The following KCNC1 variants were observed in gnomAD, a reference collection of about 807,000 sequenced individuals.
KCNC1 encodes potassium voltage-gated channel subfamily C member 1.
In KCNC1, 8 loss-of-function variants were observed where a neutral mutation model predicts 43.4. The ratio of observed to expected loss-of-function variants is 0.18; its 90% CI spans 0.11 to 0.33. The LOEUF is 0.33. Ranked by LOEUF, KCNC1 falls within the 10% of genes least tolerant of loss-of-function variation. The probability of loss-of-function intolerance (pLI) is 1.00; values close to 1 mark genes in which losing one functional copy is unlikely to be tolerated. For missense variants in KCNC1, 420 were observed against 836.0 expected, an observed-to-expected ratio of 0.50 and a Z score of 6.14; for synonymous variants, 361 against 360.5, an observed-to-expected ratio of 1.00 and a Z score of -0.01.
chr11:17,763,411 G>A (rs190945154), intron 1 of KCNC1, among the ~76,000 whole-genome samples: 6 of 152,038 alleles, frequency 3.9e-5, no homozygotes, highest in East Asian at 1.9e-4. Context: ...CAGAGAACAC[G>A]TGCCCAGAGT....
chr11:17,782,442 C>T lies in KCNC1; in HGVS notation c.*708C>T, dbSNP rs1849356522. 6.6e-6 allele frequency: 1 copy of T among 152,232 alleles called. No individual in the cohort carries two copies. The highest frequency in any genetic ancestry group is 2.4e-5 in the African/African-American group (1 of 41,436). 9.4% of individuals were successfully genotyped at this position (152,232 alleles called of 1,614,324 possible). On this transcript the variant is annotated 3_prime_UTR_variant, in exon 4 of 4. Coordinates refer to ENST00000265969, the MANE Select transcript of KCNC1 (RefSeq NM_001112741.2). ...GATGTCTCCCCAAGACCCCTGACAG[C>T]AGCTAGTCTAGGTTGATTCTCTCAT...
chr11:17,781,462 G>T lies in KCNC1; in HGVS notation c.1694-208G>T. ...GAGTCAATGTGCAGAGCAGAAGTAG[G>T]GACTCATCCCATTCCCCCAGGAGGG... is the stretch of plus-strand genomic sequence containing the variant. On this transcript the variant is annotated intron_variant, in intron 3 of 3. Transcript: ENST00000265969. This position sits in a 1 kb window ranked among gnomAD's most constrained non-coding sequence, Gnocchi z 5.1. 1 of 568,402 alleles carries T rather than the reference G, an allele frequency of 1.8e-6. No individual in the cohort carries two copies. The highest frequency in any genetic ancestry group is 3.1e-6 in the Non-Finnish European group (1 of 320,388). 35.2% of individuals were successfully genotyped at this position (568,402 alleles called of 1,614,324 possible).
rs1030780859 is a variant in KCNC1 at position 17,779,785 on chromosome 11, GT to G, written c.1693+142del. On this transcript the variant is annotated intron_variant, in intron 3 of 3. Coordinates refer to ENST00000265969, the MANE Select transcript of KCNC1 (RefSeq NM_001112741.2). This position sits in a 1 kb window ranked among gnomAD's most constrained non-coding sequence, Gnocchi z 7.2. ...GCAAGGATGGAGGGAATCTCCCAGG[GT>G]CGGCCCCTGGAGGGCTGAGGCCCTT... 1.7e-4 allele frequency: 117 copies of G among 676,500 alleles called. 1 individual carries two copies. In the East Asian group the frequency reaches 2.7e-3, roughly 16 times the overall value. The allele number at this position is 676,500 out of a possible 1,614,324, so 41.9% of individuals were successfully genotyped here. A position where few individuals can be genotyped will look rare whatever the true frequency, so the allele number is the denominator to read the frequency against.
chr11:17,744,843 G>A (rs560299161), intron 1 of KCNC1, among the ~76,000 whole-genome samples: 5 of 152,028 alleles, frequency 3.3e-5, no homozygotes, highest in Non-Finnish European at 5.9e-5. Context: ...AGAATTACCT[G>A]GGATGCTTAA....
In KCNC1 at chr11:17,739,678, T is replaced by C. The variant is rs1359057681; in HGVS notation, c.570+3106T>C. Among the ~76,000 whole-genome samples the C allele has an allele frequency of 3.5e-5, 3 of 85,254 alleles. No homozygotes were observed. Among genetic ancestry groups the C allele is most frequent in the Admixed American group, 9.4e-5 (1 of 10,638 alleles). The allele number at this position is 85,254 out of a possible 152,430, so 55.9% of individuals were successfully genotyped here. ...TGTGGAGCTCATGTGTGAGTCTGTGTGTGTGTGTGTGTGTGTGTGTGTGTA... is the reference window on the plus strand; with the variant it reads ...TGTGGAGCTCATGTGTGAGTCTGTGCGTGTGTGTGTGTGTGTGTGTGTGTA... On this transcript the variant is annotated intron_variant, in intron 1 of 3. Transcript: ENST00000265969. This position sits in a 1 kb window ranked among gnomAD's most constrained non-coding sequence, Gnocchi z 4.2.
At chr11:17,764,246 T>TAC (rs762046789) in intron 1 of KCNC1, among the ~76,000 whole-genome samples, 27 of 135,030 alleles carry the variant, frequency 2.0e-4, no homozygotes, top group Admixed American at 5.0e-4. Flanking sequence ...CATAGTCCCA[T>TAC]ACACACACAC....
intron 1 of KCNC1, among the ~76,000 whole-genome samples, chr11:17,740,035 G>A (rs1232651779): frequency 6.6e-6 from 1 of 152,242 alleles, no homozygotes; most frequent in Non-Finnish European, 1.5e-5. Context: ...GCCACTGTCA[G>A]TGTGTGGGAC....
intron 1 of KCNC1, among the ~76,000 whole-genome samples, chr11:17,768,614 G>T (rs1247101280): frequency 1.0e-5 from 1 of 99,852 alleles, no homozygotes; most frequent in Non-Finnish European, 2.1e-5. Flanking sequence ...GATGTTGGTG[G>T]GGGGGGGGGC....
chr11:17,775,576 A>G, intron 2 of KCNC1: 1 of 985,552 alleles, frequency 1.0e-6, no homozygotes, highest in Non-Finnish European at 1.2e-6. Context: ...CTTCTCTCCC[A>G]GAAAGGGGCT....
rs1434789904 is a variant in KCNC1 at position 17,736,500 on chromosome 11, C to T, written c.498C>T (p.Gly166=). The T allele has an allele frequency of 6.3e-7, 1 of 1,590,192 alleles. No individual in the cohort carries two copies. Among genetic ancestry groups the T allele is most frequent in the East Asian group, 2.3e-5 (1 of 44,176 alleles). Residue 166 remains glycine (G), a synonymous_variant, in exon 1 of 4, where the codon GGC becomes GGT. Transcript: ENST00000265969. The surrounding 1 kb of genome is among the most constrained non-coding windows in gnomAD (Gnocchi z 9.3). ...ALSDSPDGRP[G]GFWRRWQPRI... ...GTGACTCCCCGGATGGCCGGCCTGG[C>T]GGCTTTTGGCGCCGCTGGCAGCCGC...
intron 1 of KCNC1, among the ~76,000 whole-genome samples, chr11:17,770,682 C>T (rs1018705953): frequency 6.6e-6 from 1 of 152,180 alleles, no homozygotes; most frequent in African/African-American, 2.4e-5. Flanking sequence ...GGGCTCAGGG[C>T]CAGAGCAGGT....
chr11:17,749,292 C>T (rs559791785), intron 1 of KCNC1, among the ~76,000 whole-genome samples: 25 of 152,388 alleles, frequency 1.6e-4, no homozygotes, highest in African/African-American at 6.0e-4. Context: ...GTGATGCCCA[C>T]GATCACTCAC....
chr11:17,748,314 CA>C (rs1165872011), intron 1 of KCNC1, among the ~76,000 whole-genome samples: 1 of 152,092 alleles, frequency 6.6e-6, no homozygotes, highest in Non-Finnish European at 1.5e-5. Flanking sequence ...GCTGTGTGCC[CA>C]GGGTTCAAGG....
rs1848849127 is a variant in KCNC1 at position 17,742,064 on chromosome 11, A to G, written c.570+5492A>G. On this transcript the variant is annotated intron_variant, in intron 1 of 3. Coordinates refer to ENST00000265969, the MANE Select transcript of KCNC1 (RefSeq NM_001112741.2). This position sits in a 1 kb window ranked among gnomAD's most constrained non-coding sequence, Gnocchi z 4.2. The stretch of plus-strand genomic sequence containing the variant: ...GTAAGCCTCTGGCATGCTCTATAGA[A>G]TAGGAGCTGTTATCATGACAGATGA... 6.6e-6 allele frequency among the ~76,000 whole-genome samples: 1 copy of G among 152,210 alleles called. No individual in the cohort carries two copies. The highest frequency in any genetic ancestry group is 2.4e-5 in the African/African-American group (1 of 41,452).
Position 17,735,519 on chromosome 11 carries a change from A to C in KCNC1, c.-484A>C. 1.3e-5 allele frequency: 2 copies of C among 150,840 alleles called. No homozygotes were observed. The highest frequency in any genetic ancestry group is 2.9e-5 in the Non-Finnish European group (2 of 67,892). 9.3% of individuals were successfully genotyped at this position (150,840 alleles called of 1,614,324 possible). On this transcript the variant is annotated 5_prime_UTR_variant, in exon 1 of 4. Transcript: ENST00000265969. This position sits in a 1 kb window ranked among gnomAD's most constrained non-coding sequence, Gnocchi z 6.7. ...CTCCCCCTCCTGGGGGCTGGCCTCT[A>C]GTCCGGCCCCGGGAGCGGCTGACCT...
chr11:17,737,706 G>C (rs1163795041), intron 1 of KCNC1, among the ~76,000 whole-genome samples: 1 of 152,170 alleles, frequency 6.6e-6, no homozygotes, highest in Admixed American at 6.5e-5. Context: ...TGTGGGGGAA[G>C]GGCAGAGTAG....
In KCNC1 at chr11:17,782,696, A is replaced by T. The variant is rs1849360431; in HGVS notation, c.*962A>T. 6.6e-6 allele frequency: 1 copy of T among 152,224 alleles called. No individual in the cohort carries two copies. Among genetic ancestry groups the T allele is most frequent in the South Asian group, 2.1e-4 (1 of 4,828 alleles). The allele number at this position is 152,224 out of a possible 1,614,324, so 9.4% of individuals were successfully genotyped here. A position where few individuals can be genotyped will look rare whatever the true frequency, so the allele number is the denominator to read the frequency against. ...AACCTGCATGCCCAATGTTATGCAA[A>T]GCGATTCTAGCATGAAATAAATTTT... On this transcript the variant is annotated 3_prime_UTR_variant, in exon 4 of 4. Coordinates refer to ENST00000265969, the MANE Select transcript of KCNC1 (RefSeq NM_001112741.2).
At chr11:17,772,957 T>C in intron 2 of KCNC1, 1 of 1,148,640 alleles carries the variant, frequency 8.7e-7, no homozygotes, top group Non-Finnish European at 1.1e-6. Flanking sequence ...CTCAGGCTAC[T>C]GACCCGGTGT....
At chr11:17,763,716 CCA>C (rs1248085310) in intron 1 of KCNC1, among the ~76,000 whole-genome samples, 1 of 138,718 alleles carries the variant, frequency 7.2e-6, no homozygotes, top group Non-Finnish European at 1.6e-5. Context: ...ACACACACCC[CCA>C]CACACCTCCC....
Sources: gnomAD v4.1 joint callset for allele counts (sites outside exome capture counted in the v4.1 genomes callset) on GRCh38, gnomAD v4.1.1 for gene constraint, Gnocchi (gnomAD v3.1) non-coding constraint, MANE v1.5 for transcripts, NCBI Gene and HGNC (gene_info 2026-07-23, HGNC 2026-07-21) for gene names.